Variants in TRIM48 observed in about 807,000 individuals in gnomAD.
TRIM48 encodes tripartite motif containing 48.
A neutral mutation model predicts 29.5 loss-of-function variants in TRIM48; 31 were observed. The observed-to-expected ratio is 1.05, with a 90% CI of 0.79 to 1.42. TRIM48 has a LOEUF of 1.42. Ranked by LOEUF, TRIM48 falls within the 40% of genes most tolerant of loss-of-function variation. The pLI is 0.00. For missense variants in TRIM48, 344 were observed against 265.0 expected, an observed-to-expected ratio of 1.30 and a Z score of -2.07; for synonymous variants, 128 against 90.6, an observed-to-expected ratio of 1.41 and a Z score of -2.34.
rs1590623627 is a variant in TRIM48 at position 55,269,433 on chromosome 11, A to G, written c.*1+94A>G. The G allele has an allele frequency of 9.0e-6, 13 of 1,444,802 alleles. 2 individuals carry two copies. The highest frequency in any genetic ancestry group is 5.3e-5 in the South Asian group (4 of 75,376). 89.5% of individuals were successfully genotyped at this position (1,444,802 alleles called of 1,614,324 possible). Reference sequence around the variant, plus strand: ...TATTTCATCCTTTATCAAATATTTTACTACTTTATAAGCATAAGAGAACAA... The same window carrying G: ...TATTTCATCCTTTATCAAATATTTTGCTACTTTATAAGCATAAGAGAACAA... On this transcript the variant is annotated intron_variant, in intron 5 of 5. Coordinates refer to ENST00000417545, the MANE Select transcript of TRIM48 (RefSeq NM_024114.5).
intron 4 of TRIM48, 66 bp from the exon 5 acceptor site, chr11:55,269,176 A>G: frequency 6.5e-7 from 1 of 1,526,928 alleles, no homozygotes; most frequent in African/African-American, 1.4e-5. Flanking sequence ...TGTCTTTTAA[A>G]CACAAGTAGT....
At position 55,262,208 on chromosome 11, in the gene TRIM48, C is replaced by G; in HGVS notation, c.-60C>G. The G allele has an allele frequency of 7.2e-7, 1 of 1,394,574 alleles. No homozygotes were observed. Among genetic ancestry groups the G allele is most frequent in the South Asian group, 1.2e-5 (1 of 80,848 alleles). 86.4% of individuals were successfully genotyped at this position (1,394,574 alleles called of 1,614,324 possible). ...TTAGAGGGAGCTGTGTTTTGGTGAC[C>G]TCTGAAACTCAGTACTGCAGCGAAT... On this transcript the variant is annotated 5_prime_UTR_variant, in exon 1 of 6. Coordinates refer to ENST00000417545, the MANE Select transcript of TRIM48 (RefSeq NM_024114.5).
chr11:55,263,115 A>G (rs1477115461), intron 1 of TRIM48, among the ~76,000 whole-genome samples: 2 of 152,196 alleles, frequency 1.3e-5, no homozygotes, highest in Non-Finnish European at 2.9e-5. Context: ...ATTTCAGTCA[A>G]CAACAAACCA....
Position 55,270,746 on chromosome 11 carries a change from G to A in TRIM48, c.*311G>A, listed in dbSNP as rs1857471829. Reference sequence around the variant, plus strand: ...TGTGTTAAGAACGACATTCAGTGCAGTCTCTTTACCACCTCCCCAATTACA... The same window carrying A: ...TGTGTTAAGAACGACATTCAGTGCAATCTCTTTACCACCTCCCCAATTACA... On this transcript the variant is annotated 3_prime_UTR_variant, in exon 6 of 6. Transcript: ENST00000417545. 2 of 1,565,916 alleles carry A rather than the reference G, an allele frequency of 1.3e-6. No individual in the cohort carries two copies. The highest frequency in any genetic ancestry group is 1.7e-6 in the Non-Finnish European group (2 of 1,150,264).
intron 1 of TRIM48, among the ~76,000 whole-genome samples, chr11:55,263,592 G>A (rs540863348): frequency 6.6e-6 from 1 of 152,122 alleles, no homozygotes; most frequent in African/African-American, 2.4e-5. Flanking sequence ...GACCCAGGAG[G>A]TGGAGGTTGC....
At chr11:55,263,838 C>G (rs1332256031) in intron 1 of TRIM48, among the ~76,000 whole-genome samples, 1 of 152,156 alleles carries the variant, frequency 6.6e-6, no homozygotes, top group East Asian at 1.9e-4. Flanking sequence ...ATACTGGTAT[C>G]TTGACTGATC....
At position 55,265,203 on chromosome 11, in the gene TRIM48, G is replaced by C. The variant is rs751279193; in HGVS notation, c.348G>C (p.Lys116Asn). The C allele has an allele frequency of 1.1e-5, 17 of 1,582,846 alleles. 6 individuals are homozygous for C. The South Asian group carries it at 1.9e-4, about 18-fold the overall frequency. Residue 116 changes from lysine (K) to asparagine (N), a missense_variant, in exon 2 of 6, where the codon AAG becomes AAC. Coordinates refer to ENST00000417545, the MANE Select transcript of TRIM48 (RefSeq NM_024114.5). Reference protein sequence around the residue: ...EQMCGIHRETKKMFCEVDRSL... With the variant: ...EQMCGIHRETNKMFCEVDRSL... Reference sequence around the variant, plus strand: ...TGTGTGGCATTCACAGGGAGACAAAGAAGATGTTCTGTGAAGTGGACAGGA... The same window carrying C: ...TGTGTGGCATTCACAGGGAGACAAACAAGATGTTCTGTGAAGTGGACAGGA...
At chr11:55,268,292 T>G in intron 3 of TRIM48, 58 bp from the exon 4 acceptor site, 1 of 1,402,396 alleles carries the variant, frequency 7.1e-7, no homozygotes, top group Non-Finnish European at 9.9e-7. Flanking sequence ...CACACTGAAC[T>G]TAATGAAAGA....
Position 55,264,350 on chromosome 11 carries a change from C to T in TRIM48, c.45-550C>T, listed in dbSNP as rs185785384. On this transcript the variant is annotated intron_variant, in intron 1 of 5. Transcript: ENST00000417545. ...GCTTTGGATTTGGTTTTTTATTTTA[C>T]TTTAATTTTATATTATTTTCAGTCC... Among the ~76,000 whole-genome samples, 1,192 of 147,424 alleles carry T rather than the reference C, an allele frequency of 8.1e-3. 104 individuals are homozygous for T. The highest frequency in any genetic ancestry group is 0.028 in the African/African-American group (1,138 of 40,378).
chr11:55,263,863 C>T (rs2120098910), intron 1 of TRIM48, among the ~76,000 whole-genome samples: 1 of 152,270 alleles, frequency 6.6e-6, no homozygotes, highest in Middle Eastern at 3.4e-3. Context: ...GGCTGAAAGC[C>T]TCAGAACCAG....
rs763835028 is a variant in TRIM48 at position 55,268,364 on chromosome 11, A to G, written c.570A>G (p.Ile190Met). The change falls in exon 4 of 6, where the codon ATA becomes ATG. Residue 190 changes from isoleucine to methionine, a missense_variant. By Grantham distance (10) the Ile-to-Met change is conservative. Coordinates refer to ENST00000417545, the MANE Select transcript of TRIM48 (RefSeq NM_024114.5). ...TTTTTTTACAGGCTTTTGGAGACAT[A>G]TTATACAGGTGAGTATGTACCTGGA... ...RISHWKAFGDILYRSESVLLH... is the reference protein window; with the variant it reads ...RISHWKAFGDMLYRSESVLLH... 1.9e-6 allele frequency: 3 copies of G among 1,553,386 alleles called. No individual in the cohort carries two copies. Among genetic ancestry groups the G allele is most frequent in the Admixed American group, 1.7e-5 (1 of 57,158 alleles).
At position 55,265,810 on chromosome 11, in the gene TRIM48, AAAAG is replaced by A; in HGVS notation, c.555+117_555+120del. On this transcript the variant is annotated intron_variant, in intron 3 of 5. Transcript: ENST00000417545. Reference sequence around the variant, plus strand: ...GTTTCTGGGAGTCAAAAAAAAAAAAAAAAGAGAAGAAAACATTGAGAAAAAATGG... The same window carrying A: ...GTTTCTGGGAGTCAAAAAAAAAAAAAAGAAGAAAACATTGAGAAAAAATGG... 2.5e-6 allele frequency: 3 copies of A among 1,199,982 alleles called. No homozygotes were observed. The African/African-American group carries it at 4.7e-5, about 19-fold the overall frequency. The allele number at this position is 1,199,982 out of a possible 1,614,324, so 74.3% of individuals were successfully genotyped here. A position where few individuals can be genotyped will look rare whatever the true frequency, so the allele number is the denominator to read the frequency against.
Position 55,271,082 on chromosome 11 carries a change from G to T in TRIM48, c.*647G>T, listed in dbSNP as rs552127770. Reference sequence around the variant, plus strand: ...CTAATGTTATTAAAACTCATTTATTGTGTTACTATTAAATGTAGTAAAAAC... The same window carrying T: ...CTAATGTTATTAAAACTCATTTATTTTGTTACTATTAAATGTAGTAAAAAC... On this transcript the variant is annotated 3_prime_UTR_variant, in exon 6 of 6. Transcript: ENST00000417545. The T allele has an allele frequency of 9.0e-7, 1 of 1,113,288 alleles. No individual in the cohort carries two copies. Among genetic ancestry groups the T allele is most frequent in the Non-Finnish European group, 1.2e-6 (1 of 808,658 alleles). 69.0% of individuals were successfully genotyped at this position (1,113,288 alleles called of 1,614,324 possible).
intron 5 of TRIM48, among the ~76,000 whole-genome samples, 196 bp downstream of exon 5, chr11:55,269,535 C>A (rs1294379536): frequency 6.8e-6 from 1 of 147,808 alleles, no homozygotes; most frequent in Non-Finnish European, 1.5e-5. Flanking sequence ...TAGTGAAAAA[C>A]AAATACATTA....
At chr11:55,269,953 A>G (rs1291329631) in intron 5 of TRIM48, among the ~76,000 whole-genome samples, 1 of 147,908 alleles carries the variant, frequency 6.8e-6, no homozygotes, top group Non-Finnish European at 1.5e-5. Flanking sequence ...AGACTGGTAA[A>G]AGATTTTGCA....
At position 55,268,737 on chromosome 11, in the gene TRIM48, C is replaced by T. The variant is rs1184074172; in HGVS notation, c.578+365C>T. On this transcript the variant is annotated intron_variant, in intron 4 of 5. Transcript: ENST00000417545. ...TGATGATTTGTTGTTCATACCTATA[C>T]ACATATCAGTTAACAGTTCCGAAAA... 2.0e-5 allele frequency among the ~76,000 whole-genome samples: 3 copies of T among 147,594 alleles called. 1 individual carries two copies. The highest frequency in any genetic ancestry group is 5.0e-5 in the African/African-American group (2 of 40,300).
At chr11:55,262,636 A>G (rs1857321993) in intron 1 of TRIM48, among the ~76,000 whole-genome samples, 1 of 152,116 alleles carries the variant, frequency 6.6e-6, no homozygotes, top group Admixed American at 6.6e-5. Context: ...GTGTATTAAT[A>G]TTATACAATT....
At chr11:55,263,239 G>A (rs557207600) in intron 1 of TRIM48, among the ~76,000 whole-genome samples, 2 of 152,244 alleles carry the variant, frequency 1.3e-5, no homozygotes, top group South Asian at 2.1e-4. Flanking sequence ...AGAGTATACA[G>A]TATAGAACAC....
intron 1 of TRIM48, among the ~76,000 whole-genome samples, chr11:55,262,597 A>T (rs1449391578): frequency 6.6e-6 from 1 of 152,136 alleles, no homozygotes; most frequent in Non-Finnish European, 1.5e-5. Context: ...GTATGTACAC[A>T]TAGGTGTGTG....
Sources: allele counts gnomAD v4.1 joint callset (sites outside exome capture counted in the v4.1 genomes callset), GRCh38; gene constraint gnomAD v4.1.1; transcripts MANE v1.5; gene names NCBI Gene and HGNC (gene_info 2026-07-23, HGNC 2026-07-21).